Variants in SCHIP1 observed in about 807,000 individuals in gnomAD.
SCHIP1 encodes the protein schwannomin interacting protein 1.
SCHIP1 carries 8 observed loss-of-function variants against 29.7 expected under a neutral mutation model. The ratio of observed to expected loss-of-function variants is 0.27; its 90% CI spans 0.16 to 0.49. SCHIP1 has a LOEUF of 0.49. Ranked by LOEUF, SCHIP1 falls within the 20% of genes least tolerant of loss-of-function variation. SCHIP1 has a pLI of 0.99. For synonymous variants in SCHIP1, 76 were observed against 94.9 expected, an observed-to-expected ratio of 0.80 and a Z score of 1.16; for missense variants, 193 against 294.6, an observed-to-expected ratio of 0.66 and a Z score of 2.52.
chr3:159,680,050 G>C, the SCHIP1 span, among the ~76,000 whole-genome samples: 3 of 151,812 alleles, frequency 2.0e-5, no homozygotes, highest in East Asian at 3.9e-4. Context: ...ACTTCCCACC[G>C]AGAAACACAC....
chr3:159,761,576 A>C, the SCHIP1 span, among the ~76,000 whole-genome samples: 1 of 152,100 alleles, frequency 6.6e-6, no homozygotes, highest in Non-Finnish European at 1.5e-5. Flanking sequence ...TCCTGTTCCA[A>C]AGTGGGAGGG....
At chr3:159,461,661 C>T in the SCHIP1 span, among the ~76,000 whole-genome samples, 128 of 151,242 alleles carry the variant, frequency 8.5e-4, 2 homozygotes, top group Non-Finnish European at 6.3e-4. Context: ...CTGCAACCTC[C>T]GCCTCCCTGG....
At chr3:159,665,546 T>TTGTGTGTGTGTGTGTGTGTG in the SCHIP1 span, among the ~76,000 whole-genome samples, 75 of 147,562 alleles carry the variant, frequency 5.1e-4, no homozygotes, top group African/African-American at 1.8e-3. Context: ...GTTTTTGGGG[T>TTGTGTGTGTGTGTGTGTGTG]TGTGTGTGTG....
intron 2 of SCHIP1, among the ~76,000 whole-genome samples, chr3:159,872,597 A>G (rs770319360): frequency 1.3e-5 from 2 of 152,166 alleles, no homozygotes; most frequent in East Asian, 1.9e-4. Flanking sequence ...GATTATTTAT[A>G]TCCTGTTCTT....
At chr3:159,832,610 TC>T in the SCHIP1 span, among the ~76,000 whole-genome samples, 1 of 152,288 alleles carries the variant, frequency 6.6e-6, no homozygotes, top group East Asian at 1.9e-4. Context: ...ACTCGTGACT[TC>T]CTAATAGTCC....
At chr3:159,485,730 T>C in the SCHIP1 span, among the ~76,000 whole-genome samples, 119 of 152,282 alleles carry the variant, frequency 7.8e-4, 1 homozygote, top group African/African-American at 2.8e-3. Flanking sequence ...AATACCTCCA[T>C]TGCAGAGTTA....
At chr3:159,558,793 G>A in the SCHIP1 span, among the ~76,000 whole-genome samples, 1 of 152,102 alleles carries the variant, frequency 6.6e-6, no homozygotes, top group Admixed American at 6.5e-5. Context: ...TTGGTTATTA[G>A]GTCATTCAGT....
At chr3:159,454,327 AC>A in the SCHIP1 span, among the ~76,000 whole-genome samples, 1 of 152,104 alleles carries the variant, frequency 6.6e-6, no homozygotes, top group South Asian at 2.1e-4. Flanking sequence ...CCAAGTTGTA[AC>A]CTGGGATGGG....
chr3:159,543,007 TA>T, the SCHIP1 span, among the ~76,000 whole-genome samples: 1 of 151,544 alleles, frequency 6.6e-6, no homozygotes, highest in East Asian at 1.9e-4. Context: ...CTAGGATACT[TA>T]AAAAATGACA....
At chr3:159,725,726 A>G in the SCHIP1 span, among the ~76,000 whole-genome samples, 1 of 152,234 alleles carries the variant, frequency 6.6e-6, no homozygotes, top group Non-Finnish European at 1.5e-5. Flanking sequence ...AATAATCGCA[A>G]TGACAGCTCC....
the SCHIP1 span, among the ~76,000 whole-genome samples, chr3:159,327,919 T>A: frequency 2.6e-5 from 4 of 152,180 alleles, no homozygotes; most frequent in African/African-American, 9.7e-5. Flanking sequence ...AAAGCCTCCA[T>A]CAGTGAAGTA....
At chr3:159,786,098 T>C in the SCHIP1 span, among the ~76,000 whole-genome samples, 1 of 152,264 alleles carries the variant, frequency 6.6e-6, no homozygotes, top group African/African-American at 2.4e-5. Context: ...AGGTTCATTA[T>C]AAGATCTTAT....
chr3:159,514,229 T>C, the SCHIP1 span, among the ~76,000 whole-genome samples: 2 of 152,184 alleles, frequency 1.3e-5, no homozygotes, highest in African/African-American at 4.8e-5. Flanking sequence ...GGCCTGTCCA[T>C]TTTTGTTTGG....
At chr3:159,724,433 C>T in the SCHIP1 span, among the ~76,000 whole-genome samples, 6 of 152,206 alleles carry the variant, frequency 3.9e-5, no homozygotes, top group African/African-American at 1.2e-4. Context: ...CCTAGACCAG[C>T]GTCTTTTTCC....
At chr3:159,637,026 G>C in the SCHIP1 span, among the ~76,000 whole-genome samples, 1 of 152,114 alleles carries the variant, frequency 6.6e-6, no homozygotes, top group African/African-American at 2.4e-5. Context: ...TTACACTACT[G>C]ATATGAATCA....
the SCHIP1 span, among the ~76,000 whole-genome samples, chr3:159,834,713 C>A: frequency 1.3e-5 from 2 of 152,150 alleles, no homozygotes; most frequent in African/African-American, 2.4e-5. Flanking sequence ...AAATTCCACA[C>A]CTGACCTCAT....
chr3:159,891,959 C>CAT, intron 5 of SCHIP1, 138 bp from the exon 7 acceptor site: 1 of 927,372 alleles, frequency 1.1e-6, no homozygotes, highest in Non-Finnish European at 1.6e-6. Context: ...GTTTCTGCAA[C>CAT]ATACGATGTC....
the SCHIP1 span, among the ~76,000 whole-genome samples, chr3:159,814,645 C>G: frequency 6.6e-6 from 1 of 152,190 alleles, no homozygotes; most frequent in Non-Finnish European, 1.5e-5. Context: ...GGGATACTGC[C>G]GAGCCCCCGA....
the SCHIP1 span, among the ~76,000 whole-genome samples, chr3:159,785,964 G>C: frequency 6.6e-6 from 1 of 152,188 alleles, no homozygotes; most frequent in African/African-American, 2.4e-5. Flanking sequence ...TCTTATTTTT[G>C]TTGTATGTGT....
Sources: allele counts gnomAD v4.1 joint callset (sites outside exome capture counted in the v4.1 genomes callset), GRCh38; gene constraint gnomAD v4.1.1; transcripts MANE v1.5; gene names NCBI Gene and HGNC (gene_info 2026-07-23, HGNC 2026-07-21).